CHST8: variants seen among roughly 807,000 people sequenced by gnomAD.
The protein encoded by CHST8 is carbohydrate sulfotransferase 8.
In CHST8, 10 loss-of-function variants were observed where a neutral mutation model predicts 15.0. That is an observed-to-expected ratio of 0.67 (90% CI 0.41 to 1.13). The LOEUF (loss-of-function observed/expected upper bound fraction) is 1.13. Ranked by LOEUF, CHST8 falls within the 50% of genes most tolerant of loss-of-function variation. CHST8 has a pLI of 0.00. For synonymous variants in CHST8, 259 were observed against 256.6 expected (o/e 1.01, Z -0.09); for missense variants, 634 against 608.2 (o/e 1.04, Z -0.45).
intron 2 of CHST8, among the ~76,000 whole-genome samples, chr19:33,678,163 G>C (rs1241128834): frequency 1.3e-5 from 2 of 152,190 alleles, no homozygotes; most frequent in Non-Finnish European, 2.9e-5. Flanking sequence ...GCACCAAGGG[G>C]TCACTGGGGT....
intron 3 of CHST8, among the ~76,000 whole-genome samples, chr19:33,694,683 G>A (rs969417140): frequency 3.3e-5 from 5 of 152,200 alleles, no homozygotes; most frequent in African/African-American, 4.8e-5. Flanking sequence ...AGGTTCAAGC[G>A]ATTCTCATGT....
rs2145401154 is a variant in CHST8 at position 33,773,119 on chromosome 19, G to C, written c.*56G>C. On this transcript the variant is annotated 3_prime_UTR_variant, in exon 5 of 5. Transcript: ENST00000650847. ...CCCCGGTCACTCACCTGTGCTCCCG[G>C]GCATCCTCCTGTCCCTGGCTCCTCA... The C allele has an allele frequency of 1.3e-6, 2 of 1,514,412 alleles. No individual in the cohort carries two copies. The highest frequency in any genetic ancestry group is 1.8e-6 in the Non-Finnish European group (2 of 1,133,872). The allele number at this position is 1,514,412 out of a possible 1,614,324, so 93.8% of individuals were successfully genotyped here.
chr19:33,642,535 G>C (rs1172978230), intron 1 of CHST8, among the ~76,000 whole-genome samples: 1 of 152,002 alleles, frequency 6.6e-6, no homozygotes, highest in East Asian at 1.9e-4. Context: ...GCTGAGTTTT[G>C]TATTTTTAGT....
intron 1 of CHST8, among the ~76,000 whole-genome samples, chr19:33,623,901 G>A (rs1375598814): frequency 1.3e-5 from 2 of 152,266 alleles, no homozygotes; most frequent in Non-Finnish European, 2.9e-5. Flanking sequence ...AGTGACCCAC[G>A]GGAGGAATAA....
At position 33,710,215 on chromosome 19, in the gene CHST8, TTG is replaced by T. The variant is rs145373879; in HGVS notation, c.130+20826_130+20827del. ...TCATTCATGATGTTAGTAGTTTGTATTGTCTCTCTGTTTTCTTTCAAAGTCTA... is the reference window on the plus strand; with the variant it reads ...TCATTCATGATGTTAGTAGTTTGTATTCTCTCTGTTTTCTTTCAAAGTCTA... On this transcript the variant is annotated intron_variant, in intron 3 of 4. Coordinates refer to ENST00000650847, the MANE Select transcript of CHST8 (RefSeq NM_001127895.2). Among the ~76,000 whole-genome samples, 1,292 of 152,316 alleles carry T rather than the reference TTG, an allele frequency of 8.5e-3. 20 individuals are homozygous for T. Among genetic ancestry groups the T allele is most frequent in the African/African-American group, 0.028 (1,179 of 41,580 alleles).
intron 1 of CHST8, among the ~76,000 whole-genome samples, chr19:33,660,096 G>A (rs1293102438): frequency 6.6e-6 from 1 of 152,158 alleles, no homozygotes; most frequent in African/African-American, 2.4e-5. Context: ...TCCTTGCTGT[G>A]TCTGACCAGC....
chr19:33,762,137 C>T (rs1974744222), intron 3 of CHST8, among the ~76,000 whole-genome samples: 1 of 152,154 alleles, frequency 6.6e-6, no homozygotes, highest in Non-Finnish European at 1.5e-5. Context: ...CAGTGGGTGG[C>T]GCGGGTGTGC....
intron 2 of CHST8, among the ~76,000 whole-genome samples, chr19:33,669,643 T>C (rs1227026813): frequency 6.6e-6 from 1 of 152,202 alleles, no homozygotes; most frequent in African/African-American, 2.4e-5. Flanking sequence ...CTCACCTTCC[T>C]GGAAAACTTC....
At chr19:33,673,945 G>C (rs532144432) in intron 2 of CHST8, among the ~76,000 whole-genome samples, 35 of 152,254 alleles carry the variant, frequency 2.3e-4, no homozygotes, top group East Asian at 1.7e-3. Context: ...GTAGATACGG[G>C]GTTTCGCCAT....
At position 33,757,550 on chromosome 19, in the gene CHST8, A is replaced by G. The variant is rs1316809709; in HGVS notation, c.131-13863A>G. 4.8e-4 allele frequency among the ~76,000 whole-genome samples: 56 copies of G among 117,542 alleles called. 3 individuals carry two copies. Among genetic ancestry groups the G allele is most frequent in the Non-Finnish European group, 6.8e-4 (37 of 54,476 alleles). The allele number at this position is 117,542 out of a possible 152,430, so 77.1% of individuals were successfully genotyped here. A position where few individuals can be genotyped will look rare whatever the true frequency, so the allele number is the denominator to read the frequency against. ...AAAGAAAGAAAGAAAGAAAGAAAGA[A>G]AGAAAGAAAGAAAGAAAGAAAGAAA... On this transcript the variant is annotated intron_variant, in intron 3 of 4. Coordinates refer to ENST00000650847, the MANE Select transcript of CHST8 (RefSeq NM_001127895.2).
At position 33,772,230 on chromosome 19, in the gene CHST8, A is replaced by G. The variant is rs375387824; in HGVS notation, c.442A>G (p.Ser148Gly). The change falls in exon 5 of 5, where the codon AGC becomes GGC. Residue 148 changes from serine to glycine, a missense_variant. By Grantham distance (56) the Ser-to-Gly change is moderately conservative (BLOSUM62 0). Transcript: ENST00000650847. The stretch of plus-strand genomic sequence containing the variant: ...CGGGACGCTGGATGGCCGCTGGGTC[A>G]GCCTGCACCGGAGCCAGCAGGAGCG... The part of the protein sequence containing the change: ...GPGTLDGRWV[S>G]LHRSQQERKR... 510 of 1,597,616 alleles carry G rather than the reference A, an allele frequency of 3.2e-4. 1 individual carries two copies. Among genetic ancestry groups the G allele is most frequent in the Admixed American group, 4.1e-4 (24 of 58,704 alleles).
At chr19:33,744,513 C>A (rs147423619) in intron 3 of CHST8, 27 of 152,232 alleles carry the variant, frequency 1.8e-4, no homozygotes, top group African/African-American at 6.0e-4. Flanking sequence ...AGGTGCCTGC[C>A]ATTGCCAAGA....
chr19:33,633,785 G>A (rs998185835), intron 1 of CHST8, among the ~76,000 whole-genome samples: 3 of 122,436 alleles, frequency 2.5e-5, no homozygotes, highest in African/African-American at 1.7e-4. Context: ...GTGTGTGTGT[G>A]TGTGTGTGTG....
intron 3 of CHST8, among the ~76,000 whole-genome samples, chr19:33,705,590 G>C (rs1384554788): frequency 5.3e-5 from 8 of 152,208 alleles, no homozygotes; most frequent in Non-Finnish European, 1.2e-4. Flanking sequence ...ACTCTCTCCA[G>C]TATCTACCTG....
chr19:33,640,308 C>A (rs1972266362), intron 1 of CHST8, among the ~76,000 whole-genome samples: 1 of 152,148 alleles, frequency 6.6e-6, no homozygotes, highest in South Asian at 2.1e-4. Flanking sequence ...ATATTTCTGT[C>A]CAGAACCTAG....
chr19:33,687,638 T>C (rs1248383454), intron 2 of CHST8, among the ~76,000 whole-genome samples: 2 of 152,080 alleles, frequency 1.3e-5, no homozygotes, highest in Non-Finnish European at 2.9e-5. Context: ...TAAAGTTAAC[T>C]GAGTGAAAAA....
chr19:33,764,683 G>A (rs928274498), intron 3 of CHST8, among the ~76,000 whole-genome samples: 2 of 152,088 alleles, frequency 1.3e-5, no homozygotes, highest in African/African-American at 4.8e-5. Flanking sequence ...ACTAGAGTGG[G>A]CCCTTTTTAA....
At chr19:33,676,550 A>T (rs934155289) in intron 2 of CHST8, among the ~76,000 whole-genome samples, 3 of 151,894 alleles carry the variant, frequency 2.0e-5, no homozygotes, top group African/African-American at 7.3e-5. Flanking sequence ...AGCCTGGGCA[A>T]CAGAGAGAGA....
intron 3 of CHST8, among the ~76,000 whole-genome samples, chr19:33,696,598 C>T (rs1488240030): frequency 6.6e-6 from 1 of 151,996 alleles, no homozygotes; most frequent in Non-Finnish European, 1.5e-5. Context: ...AAATAAAGTG[C>T]ACAATAAATG....
Sources: allele counts gnomAD v4.1 joint callset (sites outside exome capture counted in the v4.1 genomes callset), GRCh38; gene constraint gnomAD v4.1.1; transcripts MANE v1.5; gene names NCBI Gene and HGNC (gene_info 2026-07-23, HGNC 2026-07-21).